Variants in TBCK observed in about 807,000 individuals in gnomAD.
The protein encoded by TBCK is TBC domain-containing protein kinase-like protein.
A neutral mutation model predicts 113.4 loss-of-function variants in TBCK; 99 were observed. That is an observed-to-expected ratio of 0.87 (90% CI 0.74 to 1.03). The LOEUF (loss-of-function observed/expected upper bound fraction) is 1.03. Ranked by LOEUF, TBCK falls within the 50% of genes least tolerant of loss-of-function variation. The pLI, the probability that TBCK is intolerant of heterozygous loss-of-function variation, is 0.00. For synonymous variants in TBCK, 369 were observed against 370.8 expected (o/e 1.00, Z 0.05); for missense variants, 1,045 against 1,061.3 (o/e 0.98, Z 0.21).
In TBCK at chr4:106,271,556, A is replaced by T. The variant is rs184112056; in HGVS notation, c.267-9344T>A. On this transcript the variant is annotated intron_variant, in intron 3 of 25. Coordinates refer to ENST00000394708, the MANE Select transcript of TBCK (RefSeq NM_001163435.3). ...CACCTGAGGTCAGGAGTTCCAGACC[A>T]GACTAACCAACATGGCAAAACCCCA... Among the ~76,000 whole-genome samples the T allele has an allele frequency of 3.5e-4, 54 of 152,146 alleles. No homozygotes were observed. In the Middle Eastern group the frequency reaches 0.01, roughly 29 times the overall value.
intron 23 of TBCK, among the ~76,000 whole-genome samples, chr4:106,168,526 C>T (rs1045258745): frequency 4.0e-5 from 6 of 151,744 alleles, no homozygotes; most frequent in Non-Finnish European, 8.8e-5. Flanking sequence ...AAGAGGTGTA[C>T]TAATTGGCAA....
chr4:106,210,044 TATTGAACTTCTGA>T (rs1174489239), intron 20 of TBCK, among the ~76,000 whole-genome samples: 1 of 152,190 alleles, frequency 6.6e-6, no homozygotes, highest in Non-Finnish European at 1.5e-5. Context: ...TAATGTGCAT[TATTGAACTTCTGA>T]ATTTCTTGTG....
At chr4:106,215,189 C>T (rs1054281910) in intron 19 of TBCK, among the ~76,000 whole-genome samples, 1 of 151,862 alleles carries the variant, frequency 6.6e-6, no homozygotes, top group African/African-American at 2.4e-5. Flanking sequence ...ACCACCAGGC[C>T]TGCCCTAAAA....
chr4:106,309,115 T>C (rs1029576396), intron 1 of TBCK, 126 bp from the exon 2 acceptor site: 19 of 546,252 alleles, frequency 3.5e-5, no homozygotes, highest in Admixed American at 1.1e-4. Context: ...AATATCAAAG[T>C]ATAAGAAAAT....
chr4:106,086,645 G>A (rs1739549331), intron 25 of TBCK, among the ~76,000 whole-genome samples: 1 of 152,004 alleles, frequency 6.6e-6, no homozygotes, highest in Non-Finnish European at 1.5e-5. Flanking sequence ...AAAATCTCAT[G>A]TCAATATCCC....
chr4:106,219,108 A>T (rs572999580), intron 19 of TBCK, among the ~76,000 whole-genome samples: 2,659 of 150,234 alleles, frequency 0.018, 66 homozygotes, highest in African/African-American at 0.06. Flanking sequence ...TTCTCAGTAA[A>T]CTATCACAAG....
chr4:106,314,914 C>T (rs1360978560), intron 1 of TBCK, among the ~76,000 whole-genome samples: 3 of 151,998 alleles, frequency 2.0e-5, no homozygotes, highest in South Asian at 4.1e-4. Flanking sequence ...CGTGAGCCAC[C>T]GCGCCCGACC....
chr4:106,233,494 T>C, intron 16 of TBCK, 94 bp downstream of exon 16: 5 of 918,510 alleles, frequency 5.4e-6, no homozygotes, highest in East Asian at 5.2e-5. Context: ...TGTCTCTGTA[T>C]TCATGAGAGA....
intron 3 of TBCK, among the ~76,000 whole-genome samples, chr4:106,283,636 G>A (rs1764835338): frequency 6.6e-6 from 1 of 152,044 alleles, no homozygotes; most frequent in Admixed American, 6.6e-5. Flanking sequence ...TAGGCACATT[G>A]GAAATAATAA....
At chr4:106,296,668 A>C (rs1766341066) in intron 2 of TBCK, among the ~76,000 whole-genome samples, 1 of 152,174 alleles carries the variant, frequency 6.6e-6, no homozygotes, top group Non-Finnish European at 1.5e-5. Context: ...GATCTGAAAC[A>C]CAAAAATTAA....
chr4:106,122,757 A>T (rs1744606662), intron 23 of TBCK, among the ~76,000 whole-genome samples: 1 of 152,178 alleles, frequency 6.6e-6, no homozygotes, highest in Non-Finnish European at 1.5e-5. Flanking sequence ...GCATATAAAC[A>T]GAGCCAAAGA....
chr4:106,102,275 G>T (rs1329841224), intron 24 of TBCK, among the ~76,000 whole-genome samples: 2 of 152,192 alleles, frequency 1.3e-5, no homozygotes, highest in Admixed American at 6.6e-5. Flanking sequence ...CCACATTGGG[G>T]TTTGGGTAGT....
Position 106,278,512 on chromosome 4 carries a change from T to C in TBCK, c.267-16300A>G, listed in dbSNP as rs549609712. Among the ~76,000 whole-genome samples, 5 of 132,304 alleles carry C rather than the reference T, an allele frequency of 3.8e-5. No individual in the cohort carries two copies. In the Admixed American group the frequency reaches 4.6e-4, roughly 12 times the overall value. The allele number at this position is 132,304 out of a possible 152,430, so 86.8% of individuals were successfully genotyped here. A position where few individuals can be genotyped will look rare whatever the true frequency, so the allele number is the denominator to read the frequency against. On this transcript the variant is annotated intron_variant, in intron 3 of 25. Transcript: ENST00000394708. ...AGGCAGAGGTTGCAGTGAGCCCAGA[T>C]CGTGCCACTGCACTCCATCCTGGGC...
chr4:106,053,829 T>A (rs1735088229), intron 25 of TBCK, among the ~76,000 whole-genome samples: 1 of 151,698 alleles, frequency 6.6e-6, no homozygotes, highest in Admixed American at 6.6e-5. Flanking sequence ...GCAATTTCAG[T>A]CTTCTAGTTA....
At chr4:106,128,592 A>C (rs1206314028) in intron 23 of TBCK, among the ~76,000 whole-genome samples, 1 of 152,158 alleles carries the variant, frequency 6.6e-6, no homozygotes, top group Non-Finnish European at 1.5e-5. Flanking sequence ...CCTAGAATTA[A>C]CCTTATATTT....
chr4:106,265,180 TTCTC>T (rs567571301), intron 3 of TBCK, among the ~76,000 whole-genome samples: 100 of 152,106 alleles, frequency 6.6e-4, no homozygotes, highest in Admixed American at 1.4e-3. Flanking sequence ...TTTCACTGTT[TTCTC>T]TCTCTTTTTC....
intron 3 of TBCK, among the ~76,000 whole-genome samples, chr4:106,286,752 A>C (rs904288474): frequency 1.3e-5 from 2 of 152,100 alleles, no homozygotes; most frequent in African/African-American, 4.8e-5. Context: ...GCTTGAGCCC[A>C]GGAGGTCAAG....
intron 25 of TBCK, among the ~76,000 whole-genome samples, chr4:106,075,921 C>T (rs1367769263): frequency 6.6e-6 from 1 of 152,162 alleles, no homozygotes; most frequent in Non-Finnish European, 1.5e-5. Context: ...TCAGAATAAG[C>T]CTGTTTTAGA....
chr4:106,220,338 GC>G (rs1757533177), intron 19 of TBCK, among the ~76,000 whole-genome samples: 1 of 152,136 alleles, frequency 6.6e-6, no homozygotes, highest in Non-Finnish European at 1.5e-5. Context: ...TGTAAGAAGT[GC>G]CTTTTGCCTC....
Sources: allele counts gnomAD v4.1 joint callset (sites outside exome capture counted in the v4.1 genomes callset), GRCh38; gene constraint gnomAD v4.1.1; transcripts MANE v1.5; gene names NCBI Gene and HGNC (gene_info 2026-07-23, HGNC 2026-07-21).